Variants in DLG2 observed in about 807,000 individuals in gnomAD.
DLG2 encodes discs large MAGUK scaffold protein 2.
Under a neutral mutation model 132.5 loss-of-function variants are expected in DLG2, and 45 were observed. The observed-to-expected ratio is 0.34, with a 90% CI of 0.27 to 0.44. The LOEUF (loss-of-function observed/expected upper bound fraction) is 0.44, where lower values mean the gene tolerates loss of function less well. Among genes scored for constraint, DLG2 ranks in the 20% least tolerant of loss-of-function variants. DLG2 has a pLI of 1.00. For synonymous variants in DLG2, 424 were observed against 419.6 expected (o/e 1.01, Z -0.13); for missense variants, 1,045 against 1,196.9 (o/e 0.87, Z 1.87).
chr11:84,788,527 T>A (rs1339129710), intron 6 of DLG2, among the ~76,000 whole-genome samples: 1 of 152,296 alleles, frequency 6.6e-6, no homozygotes, highest in Non-Finnish European at 1.5e-5. Flanking sequence ...TCATTTATAT[T>A]ACTTTTCTTA....
At chr11:84,194,938 G>A (rs114105407) in intron 8 of DLG2, among the ~76,000 whole-genome samples, 6,432 of 152,222 alleles carry the variant, frequency 0.042, 404 homozygotes, top group African/African-American at 0.14. Flanking sequence ...TCCTGGCCGC[G>A]TGCAGCCTCG....
Position 84,026,932 on chromosome 11 carries a change from TG to T in DLG2, c.919+32382del, listed in dbSNP as rs559000658. On this transcript the variant is annotated intron_variant, in intron 11 of 27. Coordinates refer to ENST00000376104, the MANE Select transcript of DLG2 (RefSeq NM_001142699.3). ...AAAAGCTCAAAAAGCGTTTTATATC[TG>T]TAGAATTATTATTTCTATTATATTC... Among the ~76,000 whole-genome samples, 189 of 152,270 alleles carry T rather than the reference TG, an allele frequency of 1.2e-3. 1 individual carries two copies. Among genetic ancestry groups the T allele is most frequent in the Non-Finnish European group, 2.0e-3 (134 of 68,020 alleles).
chr11:83,841,244 A>G (rs535204372), intron 16 of DLG2, among the ~76,000 whole-genome samples: 12 of 152,338 alleles, frequency 7.9e-5, no homozygotes, highest in African/African-American at 2.9e-4. Flanking sequence ...AATAAACACA[A>G]TTTATAAATA....
intron 7 of DLG2, among the ~76,000 whole-genome samples, chr11:84,527,856 G>T (rs17807611): frequency 4.0e-5 from 6 of 148,656 alleles, no homozygotes; most frequent in African/African-American, 1.5e-4. Context: ...GTGATGATTA[G>T]GTAAGGAAGA....
intron 6 of DLG2, among the ~76,000 whole-genome samples, chr11:84,677,076 A>C (rs2099714155): frequency 6.6e-6 from 1 of 152,066 alleles, no homozygotes; most frequent in Non-Finnish European, 1.5e-5. Context: ...ACATCCATTG[A>C]AAGAGATATG....
At chr11:84,868,445 G>A (rs1337085469) in intron 6 of DLG2, among the ~76,000 whole-genome samples, 2 of 152,056 alleles carry the variant, frequency 1.3e-5, no homozygotes, top group African/African-American at 4.8e-5. Context: ...CAAACAAACT[G>A]GGATTCAATT....
intron 12 of DLG2, among the ~76,000 whole-genome samples, chr11:83,978,819 G>A (rs2092518679): frequency 1.3e-5 from 2 of 152,132 alleles, no homozygotes; most frequent in Non-Finnish European, 1.5e-5. Flanking sequence ...GAATAAAGGA[G>A]GAAAGGAAAG....
intron 6 of DLG2, among the ~76,000 whole-genome samples, chr11:84,902,325 G>T (rs551924190): frequency 6.6e-6 from 1 of 152,232 alleles, no homozygotes; most frequent in Admixed American, 6.5e-5. Flanking sequence ...CATTTGAAAT[G>T]TTTTTATAAA....
At chr11:83,586,133 G>C (rs1489303190) in intron 19 of DLG2, among the ~76,000 whole-genome samples, 4 of 152,216 alleles carry the variant, frequency 2.6e-5, no homozygotes, top group Non-Finnish European at 5.9e-5. Flanking sequence ...GACAGCTAGA[G>C]AATCTGGATG....
chr11:85,426,720 C>G (rs1327406971), intron 3 of DLG2, among the ~76,000 whole-genome samples: 4 of 152,144 alleles, frequency 2.6e-5, no homozygotes, highest in Non-Finnish European at 5.9e-5. Flanking sequence ...ATCAGAGCAC[C>G]TCTCCTCCTC....
intron 19 of DLG2, among the ~76,000 whole-genome samples, chr11:83,612,327 C>G (rs1369155660): frequency 6.6e-6 from 1 of 152,128 alleles, no homozygotes; most frequent in African/African-American, 2.4e-5. Flanking sequence ...AAAAATAGGT[C>G]AATAATGTTT....
At chr11:85,617,600 GATAAATGATTGA>G (rs2081425509) in intron 2 of DLG2, among the ~76,000 whole-genome samples, 1 of 152,030 alleles carries the variant, frequency 6.6e-6, no homozygotes, top group Non-Finnish European at 1.5e-5. Flanking sequence ...TTGTTGAATG[GATAAATGATTGA>G]ATAAATAAAT....
At chr11:85,168,017 G>C (rs1359182660) in intron 4 of DLG2, among the ~76,000 whole-genome samples, 1 of 151,994 alleles carries the variant, frequency 6.6e-6, no homozygotes, top group Non-Finnish European at 1.5e-5. Context: ...AAAAAACTGG[G>C]CACAGACAAA....
intron 6 of DLG2, among the ~76,000 whole-genome samples, chr11:84,539,280 CTAAG>C (rs2099362460): frequency 6.6e-6 from 1 of 152,174 alleles, no homozygotes; most frequent in South Asian, 2.1e-4. Context: ...ACTTAGTCTT[CTAAG>C]TTAGTTAGGA....
chr11:85,380,520 C>T (rs149571281), intron 3 of DLG2, among the ~76,000 whole-genome samples: 2,287 of 152,160 alleles, frequency 0.015, 27 homozygotes, highest in Non-Finnish European at 0.023. Context: ...ATTTACTGGG[C>T]GTGGTGGCAC....
chr11:85,150,136 C>G (rs1039708005), intron 5 of DLG2, among the ~76,000 whole-genome samples: 1 of 149,908 alleles, frequency 6.7e-6, no homozygotes, highest in Non-Finnish European at 1.5e-5. Flanking sequence ...TCTCCTGCCT[C>G]GGCCTCCCCA....
At chr11:83,517,089 A>C (rs997449191) in intron 21 of DLG2, among the ~76,000 whole-genome samples, 28 of 152,170 alleles carry the variant, frequency 1.8e-4, no homozygotes, top group Non-Finnish European at 3.7e-4. Context: ...AGATTGGGGA[A>C]GTTCTCCTGG....
chr11:84,383,260 G>A (rs1357305768), intron 7 of DLG2, among the ~76,000 whole-genome samples: 2 of 151,442 alleles, frequency 1.3e-5, no homozygotes, highest in Admixed American at 6.6e-5. Flanking sequence ...CCATTCCCCC[G>A]AGAAGATTTT....
At chr11:84,777,279 GTGTATATA>G (rs1225699541) in intron 6 of DLG2, among the ~76,000 whole-genome samples, 1 of 85,136 alleles carries the variant, frequency 1.2e-5, no homozygotes, top group Non-Finnish European at 2.3e-5. Context: ...ATATGTGTGT[GTGTATATA>G]TATATATATA....
Sources: allele counts gnomAD v4.1 joint callset (sites outside exome capture counted in the v4.1 genomes callset), GRCh38; gene constraint gnomAD v4.1.1; transcripts MANE v1.5; gene names NCBI Gene and HGNC (gene_info 2026-07-23, HGNC 2026-07-21).